Variants in NEK11 observed in about 807,000 individuals in gnomAD.
The protein encoded by NEK11 is serine/threonine-protein kinase Nek11.
In NEK11, 72 loss-of-function variants were observed where a neutral mutation model predicts 80.7. The observed-to-expected ratio is 0.89, with a 90% CI of 0.74 to 1.08. The LOEUF (loss-of-function observed/expected upper bound fraction) is 1.08. Among genes scored for constraint, NEK11 ranks in the 50% least tolerant of loss-of-function variants. The pLI is 0.00. For missense variants in NEK11, 764 were observed against 763.6 expected, an observed-to-expected ratio of 1.00 and a Z score of -0.01; for synonymous variants, 251 against 260.7, an observed-to-expected ratio of 0.96 and a Z score of 0.36.
At chr3:131,162,353 T>G (rs199719408) in intron 10 of NEK11, 55 bp from the exon 11 acceptor site, 86 of 1,581,064 alleles carry the variant, frequency 5.4e-5, no homozygotes, top group Non-Finnish European at 6.9e-5. Context: ...ATTTGTTTAA[T>G]TTTTCTGAAC....
intron 17 of NEK11, among the ~76,000 whole-genome samples, chr3:131,332,630 G>A (rs548863449): frequency 5.3e-5 from 8 of 152,300 alleles, no homozygotes; most frequent in South Asian, 2.1e-4. Context: ...TGACTTTGAC[G>A]AGCTGAGAGA....
chr3:131,220,977 G>A (rs2095000046), intron 14 of NEK11, among the ~76,000 whole-genome samples: 1 of 152,154 alleles, frequency 6.6e-6, no homozygotes, highest in Non-Finnish European at 1.5e-5. Context: ...ATGTGAAAAA[G>A]AGGAAAGGGG....
intron 17 of NEK11, among the ~76,000 whole-genome samples, chr3:131,297,855 G>A (rs986732164): frequency 1.5e-4 from 23 of 152,308 alleles, no homozygotes; most frequent in Admixed American, 1.3e-3. Context: ...GTGTAAGGAA[G>A]GGATCCAGTT....
intron 5 of NEK11, among the ~76,000 whole-genome samples, chr3:131,113,413 T>C (rs192863274): frequency 7.1e-4 from 108 of 152,082 alleles, no homozygotes; most frequent in Non-Finnish European, 1.3e-3. Context: ...AAGACTAGGG[T>C]ACAAATAGAG....
intron 4 of NEK11, among the ~76,000 whole-genome samples, chr3:131,089,900 G>A (rs1262171198): frequency 6.6e-6 from 1 of 152,230 alleles, no homozygotes; most frequent in Non-Finnish European, 1.5e-5. Context: ...TGTGAAGGAA[G>A]AGCATTTTAA....
intron 7 of NEK11, among the ~76,000 whole-genome samples, chr3:131,145,085 C>T (rs1482848224): frequency 2.6e-5 from 4 of 152,064 alleles, no homozygotes; most frequent in African/African-American, 9.7e-5. Flanking sequence ...CTCACTGTAA[C>T]CTCAAACTCC....
chr3:131,343,484 A>T (rs2097315718), intron 17 of NEK11, among the ~76,000 whole-genome samples: 1 of 152,216 alleles, frequency 6.6e-6, no homozygotes. Flanking sequence ...AAACAGGTGA[A>T]GTCATTGGCT....
At chr3:131,303,865 C>T (rs961408969) in intron 17 of NEK11, among the ~76,000 whole-genome samples, 1 of 152,132 alleles carries the variant, frequency 6.6e-6, no homozygotes, top group African/African-American at 2.4e-5. Context: ...CACAAGGGTT[C>T]TCTGCACTTC....
intron 4 of NEK11, among the ~76,000 whole-genome samples, chr3:131,085,800 A>G (rs1462095325): frequency 6.6e-6 from 1 of 152,156 alleles, no homozygotes; most frequent in Non-Finnish European, 1.5e-5. Context: ...AGGAAAATTA[A>G]TATTTTACTA....
chr3:131,082,172 G>A (rs2075366622), intron 4 of NEK11, among the ~76,000 whole-genome samples: 2 of 152,130 alleles, frequency 1.3e-5, no homozygotes, highest in Admixed American at 6.5e-5. Context: ...ATGATGTCAG[G>A]TGTGATCAGT....
intron 11 of NEK11, 22 bp from the exon 12 acceptor site, chr3:131,165,404 T>G: frequency 6.9e-7 from 1 of 1,439,596 alleles, no homozygotes; most frequent in Non-Finnish European, 9.8e-7. Flanking sequence ...GTTATTTTTC[T>G]ACATTCACTT....
At chr3:131,183,747 C>T (rs185288491) in intron 14 of NEK11, among the ~76,000 whole-genome samples, 1 of 152,300 alleles carries the variant, frequency 6.6e-6, no homozygotes, top group Admixed American at 6.5e-5. Context: ...AATAAACATA[C>T]ATGTGCATGT....
intron 5 of NEK11, among the ~76,000 whole-genome samples, chr3:131,117,434 G>C (rs1335952684): frequency 2.0e-5 from 3 of 152,106 alleles, no homozygotes; most frequent in Non-Finnish European, 4.4e-5. Context: ...TGTTCTTTTG[G>C]TTTAGGATTG....
chr3:131,348,882 A>G (rs2097407406), intron 17 of NEK11, among the ~76,000 whole-genome samples: 1 of 152,082 alleles, frequency 6.6e-6, no homozygotes, highest in Non-Finnish European at 1.5e-5. Flanking sequence ...TGTGATTGAA[A>G]GGGCAAAGTG....
intron 17 of NEK11, among the ~76,000 whole-genome samples, chr3:131,341,326 CAT>C (rs1344978176): frequency 1.2e-4 from 19 of 152,150 alleles, no homozygotes; most frequent in African/African-American, 4.1e-4. Context: ...AATTTACTCA[CAT>C]GTGTAAATGT....
intron 14 of NEK11, among the ~76,000 whole-genome samples, chr3:131,194,514 A>G (rs956446503): frequency 6.6e-6 from 1 of 152,048 alleles, no homozygotes; most frequent in Non-Finnish European, 1.5e-5. Flanking sequence ...AACATTGATA[A>G]TGTTTCTCTT....
intron 16 of NEK11, among the ~76,000 whole-genome samples, chr3:131,250,212 C>T (rs976542147): frequency 6.6e-5 from 10 of 151,680 alleles, no homozygotes; most frequent in Non-Finnish European, 8.8e-5. Flanking sequence ...AGTGATTCAT[C>T]TACGTGATTC....
At chr3:131,061,611 G>C (rs1160011135) in intron 3 of NEK11, among the ~76,000 whole-genome samples, 2 of 152,116 alleles carry the variant, frequency 1.3e-5, no homozygotes, top group African/African-American at 4.8e-5. Context: ...GATTTCACCA[G>C]TTCTACACAA....
chr3:131,193,764 C>A (rs2093893205), intron 14 of NEK11, among the ~76,000 whole-genome samples: 1 of 152,008 alleles, frequency 6.6e-6, no homozygotes, highest in Non-Finnish European at 1.5e-5. Context: ...GTTGGGGGGC[C>A]TCCTATGGGG....
Sources: allele counts gnomAD v4.1 joint callset (sites outside exome capture counted in the v4.1 genomes callset), GRCh38; gene constraint gnomAD v4.1.1; transcripts MANE v1.5; gene names NCBI Gene and HGNC (gene_info 2026-07-23, HGNC 2026-07-21).